The following PDE1A variants were observed in gnomAD, a reference collection of about 807,000 sequenced individuals.
The protein encoded by PDE1A is dual specificity calcium/calmodulin-dependent 3',5'-cyclic nucleotide phosphodiesterase 1A.
In PDE1A, 35 loss-of-function variants were observed where a neutral mutation model predicts 61.7. That is an observed-to-expected ratio of 0.57 (90% CI 0.43 to 0.75). The LOEUF is 0.75. Ranked by LOEUF, PDE1A falls within the 30% of genes least tolerant of loss-of-function variation. The probability of loss-of-function intolerance (pLI) is 0.00; values close to 1 mark genes in which losing one functional copy is unlikely to be tolerated. For missense variants in PDE1A, 597 were observed against 630.6 expected, an observed-to-expected ratio of 0.95 and a Z score of 0.57; for synonymous variants, 232 against 213.2, an observed-to-expected ratio of 1.09 and a Z score of -0.77.
chr2:182,550,211 T>C, the PDE1A span, among the ~76,000 whole-genome samples: 1 of 152,196 alleles, frequency 6.6e-6, no homozygotes, highest in Non-Finnish European at 1.5e-5. Context: ...ACTAGTTGAA[T>C]TTGTCTTTTC....
the PDE1A span, among the ~76,000 whole-genome samples, chr2:182,682,062 C>T: frequency 6.6e-6 from 1 of 152,206 alleles, no homozygotes; most frequent in African/African-American, 2.4e-5. Flanking sequence ...TTATTGACTT[C>T]ACAGCACTTG....
chr2:182,686,182 A>G, the PDE1A span, among the ~76,000 whole-genome samples: 1 of 152,172 alleles, frequency 6.6e-6, no homozygotes, highest in Non-Finnish European at 1.5e-5. Context: ...CCTTCCAAAT[A>G]TATACAACAA....
At chr2:182,315,806 A>G (rs1696302195) in intron 1 of PDE1A, among the ~76,000 whole-genome samples, 1 of 152,132 alleles carries the variant, frequency 6.6e-6, no homozygotes, top group African/African-American at 2.4e-5. Flanking sequence ...AAGGTCCACT[A>G]TGGGGTTTTG....
the PDE1A span, among the ~76,000 whole-genome samples, chr2:182,690,021 A>T: frequency 6.6e-6 from 1 of 152,204 alleles, no homozygotes; most frequent in Admixed American, 6.5e-5. Flanking sequence ...CAGGCTCTGA[A>T]ATTGAGGCAA....
At chr2:182,343,429 G>A (rs1337771344) in intron 1 of PDE1A, among the ~76,000 whole-genome samples, 1 of 152,168 alleles carries the variant, frequency 6.6e-6, no homozygotes, top group Non-Finnish European at 1.5e-5. Context: ...GTTTTCAGAT[G>A]CCATAAGCAG....
chr2:182,242,899 CCT>C (rs71340034), intron 2 of PDE1A, among the ~76,000 whole-genome samples: 54 of 103,734 alleles, frequency 5.2e-4, no homozygotes, highest in African/African-American at 1.8e-3. Context: ...TCTCTCTCTC[CCT>C]CTCTCTCTCT....
chr2:182,667,234 A>G, the PDE1A span, among the ~76,000 whole-genome samples: 1 of 152,202 alleles, frequency 6.6e-6, no homozygotes, highest in African/African-American at 2.4e-5. Context: ...CACATGGTCA[A>G]TTAGTCACTA....
At chr2:182,245,153 T>C (rs1328169635) in intron 2 of PDE1A, among the ~76,000 whole-genome samples, 1 of 152,214 alleles carries the variant, frequency 6.6e-6, no homozygotes, top group African/African-American at 2.4e-5. Context: ...ATGCTATCCC[T>C]GCCTGAAAGC....
chr2:182,678,820 G>C, the PDE1A span, among the ~76,000 whole-genome samples: 1 of 152,122 alleles, frequency 6.6e-6, no homozygotes, highest in Non-Finnish European at 1.5e-5. Flanking sequence ...AGGGAATGGA[G>C]AGGGTTGGTC....
At chr2:182,635,473 T>C in the PDE1A span, among the ~76,000 whole-genome samples, 1 of 152,174 alleles carries the variant, frequency 6.6e-6, no homozygotes, top group Admixed American at 6.5e-5. Flanking sequence ...CATAGAATAC[T>C]TCCTTGTTTG....
intron 2 of PDE1A, among the ~76,000 whole-genome samples, chr2:182,458,192 A>G (rs1453798935): frequency 1.3e-5 from 2 of 152,054 alleles, no homozygotes; most frequent in Non-Finnish European, 2.9e-5. Flanking sequence ...ACAAACTAAG[A>G]TCATCAATCA....
intron 2 of PDE1A, among the ~76,000 whole-genome samples, chr2:182,260,883 T>C (rs1692173760): frequency 6.6e-6 from 1 of 152,180 alleles, no homozygotes; most frequent in Admixed American, 6.6e-5. Flanking sequence ...GCCCAAGCCC[T>C]AGGGTCAGAC....
At chr2:182,175,103 C>T (rs1692615049) in intron 13 of PDE1A, among the ~76,000 whole-genome samples, 1 of 152,154 alleles carries the variant, frequency 6.6e-6, no homozygotes, top group African/African-American at 2.4e-5. Flanking sequence ...CATAGTATTC[C>T]ATGGTGTATA....
chr2:182,459,124 C>T (rs1292793656), intron 2 of PDE1A, among the ~76,000 whole-genome samples: 1 of 151,974 alleles, frequency 6.6e-6, no homozygotes, highest in Non-Finnish European at 1.5e-5. Context: ...ATAAATAATA[C>T]CTATACCTAT....
chr2:182,420,131 A>C (rs898256440), intron 1 of PDE1A, among the ~76,000 whole-genome samples: 1 of 152,094 alleles, frequency 6.6e-6, no homozygotes, highest in African/African-American at 2.4e-5. Flanking sequence ...TAGAAATAAT[A>C]ATTGGATGCA....
chr2:182,269,352 G>T (rs1469524066), intron 1 of PDE1A, among the ~76,000 whole-genome samples: 1 of 151,924 alleles, frequency 6.6e-6, no homozygotes, highest in Non-Finnish European at 1.5e-5. Flanking sequence ...GCTGGGTGTG[G>T]TGGTGCATGC....
chr2:182,541,138 A>T, the PDE1A span, among the ~76,000 whole-genome samples: 11 of 152,354 alleles, frequency 7.2e-5, no homozygotes, highest in East Asian at 1.7e-3. Context: ...AACAATATCT[A>T]ATCTAAACAT....
At chr2:182,222,196 T>C (rs1179071015) in intron 7 of PDE1A, among the ~76,000 whole-genome samples, 1 of 152,012 alleles carries the variant, frequency 6.6e-6, no homozygotes, top group Non-Finnish European at 1.5e-5. Flanking sequence ...GTCCATGTAA[T>C]GGAATAGTAT....
At chr2:182,354,983 G>A (rs1367871549) in intron 1 of PDE1A, among the ~76,000 whole-genome samples, 1 of 151,982 alleles carries the variant, frequency 6.6e-6, no homozygotes, top group African/African-American at 2.4e-5. Context: ...TCCATAATTA[G>A]TGATGACTAT....
Sources: allele counts gnomAD v4.1 joint callset (sites outside exome capture counted in the v4.1 genomes callset), GRCh38; gene constraint gnomAD v4.1.1; transcripts MANE v1.5; gene names NCBI Gene and HGNC (gene_info 2026-07-23, HGNC 2026-07-21).